Variants in LOXL4 observed in about 807,000 individuals in gnomAD.
LOXL4 encodes lysyl oxidase homolog 4.
Under a neutral mutation model 89.1 loss-of-function variants are expected in LOXL4, and 72 were observed. The ratio of observed to expected loss-of-function variants is 0.81; its 90% CI spans 0.67 to 0.98. LOXL4 has a LOEUF of 0.98. Among genes scored for constraint, LOXL4 ranks in the 50% least tolerant of loss-of-function variants. The pLI is 0.00. For synonymous variants in LOXL4, 355 were observed against 392.1 expected, an observed-to-expected ratio of 0.91 and a Z score of 1.12; for missense variants, 984 against 1,017.5, an observed-to-expected ratio of 0.97 and a Z score of 0.45.
chr10:98,256,227 T>C (rs1381325374), intron 9 of LOXL4: 5 of 176,754 alleles, frequency 2.8e-5, no homozygotes, highest in African/African-American at 7.2e-5. Flanking sequence ...TATCCACTTA[T>C]TTCTCCTGGA....
At chr10:98,263,597 GCA>G (rs2135845901) in intron 1 of LOXL4, among the ~76,000 whole-genome samples, 1 of 152,276 alleles carries the variant, frequency 6.6e-6, no homozygotes, top group Non-Finnish European at 1.5e-5. Flanking sequence ...CACCTAGAAG[GCA>G]CATGGAAGGC....
chr10:98,256,839 T>G lies in LOXL4; in HGVS notation c.1369A>C (p.Thr457Pro). 6.2e-7 allele frequency: 1 copy of G among 1,614,156 alleles called. No individual in the cohort carries two copies. The highest frequency in any genetic ancestry group is 1.6e-4 in the Middle Eastern group (1 of 6,062). The change falls in exon 9 of 15, where the codon ACC becomes CCC. Residue 457 changes from threonine (T) to proline (P), a missense_variant. Coordinates refer to ENST00000260702, the MANE Select transcript of LOXL4 (RefSeq NM_032211.7). ...TGTCGGCAGGCCACCATGGCTTCGG[T>G]GAGCCCCCAGTTTTCACTGCACACG... ...GSVCSENWGL[T>P]EAMVACRQLG...
At chr10:98,258,227 C>G (rs1858439706) in intron 6 of LOXL4, 63 bp from the exon 7 acceptor site, 1 of 1,496,884 alleles carries the variant, frequency 6.7e-7, no homozygotes, top group Non-Finnish European at 9.0e-7. Context: ...GCTGAGCCCC[C>G]ACAGCGGGAT....
At chr10:98,259,454 A>C (rs1858478206) in intron 4 of LOXL4, 25 bp from the exon 5 acceptor site, 1 of 1,610,322 alleles carries the variant, frequency 6.2e-7, no homozygotes, top group Non-Finnish European at 8.5e-7. Context: ...AACAGATAGG[A>C]GGTGGAAGGG....
chr10:98,261,936 C>A (rs1858552748), intron 3 of LOXL4, 99 bp downstream of exon 3: 6 of 1,272,830 alleles, frequency 4.7e-6, no homozygotes, highest in Middle Eastern at 2.6e-4. Context: ...GCAGACTGCA[C>A]CCTTTCCCCT....
In LOXL4 at chr10:98,262,709, C is replaced by A. The variant is rs373112400; in HGVS notation, c.277+34G>T. The A allele has an allele frequency of 3.1e-6, 5 of 1,594,956 alleles. No homozygotes were observed. In the South Asian group the frequency reaches 3.4e-5, roughly 11 times the overall value. On this transcript the variant is annotated intron_variant, in intron 2 of 14. Transcript: ENST00000260702. ...AGCCCAAGAAGACTGTTACCATCTC[C>A]TTGCCATCCCACTAGGTGGCACCAG...
chr10:98,247,846 C>T lies in LOXL4; in HGVS notation c.*1075G>A, dbSNP rs1370054187. On this transcript the variant is annotated 3_prime_UTR_variant, in exon 15 of 15. Transcript: ENST00000260702. ...CTTGAGCAAGAGCAAATCAGAGCCCCATCAAGCAGGAATGGTGGCCTTTCC... is the reference window on the plus strand; with the variant it reads ...CTTGAGCAAGAGCAAATCAGAGCCCTATCAAGCAGGAATGGTGGCCTTTCC... 1.3e-5 allele frequency: 2 copies of T among 152,202 alleles called. No individual in the cohort carries two copies. Among genetic ancestry groups the T allele is most frequent in the African/African-American group, 4.8e-5 (2 of 41,448 alleles). The allele number at this position is 152,202 out of a possible 1,614,324, so 9.4% of individuals were successfully genotyped here. A position where few individuals can be genotyped will look rare whatever the true frequency, so the allele number is the denominator to read the frequency against.
At chr10:98,251,239 C>T (rs1858184634) in intron 13 of LOXL4, 63 bp from the exon 14 acceptor site, 4 of 1,203,442 alleles carry the variant, frequency 3.3e-6, no homozygotes, top group Non-Finnish European at 4.9e-6. Flanking sequence ...TTGACTGTGG[C>T]TGTGATAATC....
chr10:98,256,222 A>C, intron 9 of LOXL4: 1 of 177,038 alleles, frequency 5.6e-6, no homozygotes, highest in Non-Finnish European at 1.2e-5. Flanking sequence ...AGATCTATCC[A>C]CTTATTTCTC....
At position 98,261,112 on chromosome 10, in the gene LOXL4, C is replaced by T. The variant is rs142324231; in HGVS notation, c.472G>A (p.Glu158Lys). 3.1e-6 allele frequency: 5 copies of T among 1,612,126 alleles called. No homozygotes were observed. The highest frequency in any genetic ancestry group is 4.2e-6 in the Non-Finnish European group (5 of 1,179,960). ...GCAAGGATGGGCTTGAGCCGCACCT[C>T]CTCCAGCCGCCGGCCCTGCGGGGTG... ...ALGPQGRRLE[E>K]VRLKPILASA... Residue 158 changes from glutamate to lysine, a missense_variant, in exon 4 of 15, where the codon GAG (glutamate) becomes AAG (lysine). Physicochemically the swap from Glu to Lys is moderately conservative, Grantham distance 56. Coordinates refer to ENST00000260702, the MANE Select transcript of LOXL4 (RefSeq NM_032211.7).
intron 3 of LOXL4, 81 bp from the exon 4 acceptor site, chr10:98,261,208 G>C: frequency 6.8e-7 from 1 of 1,476,208 alleles, no homozygotes; most frequent in Non-Finnish European, 9.3e-7. Context: ...ATGCAGAAAG[G>C]CTGGGGCTTG....
rs2135851930 is a variant in LOXL4, at chr10:98,268,172, G to C, written c.-73C>G. The C allele has an allele frequency of 6.6e-6, 1 of 152,072 alleles. No homozygotes were observed. Among genetic ancestry groups the C allele is most frequent in the South Asian group, 2.1e-4 (1 of 4,822 alleles). The allele number at this position is 152,072 out of a possible 1,614,324, so 9.4% of individuals were successfully genotyped here. A position where few individuals can be genotyped will look rare whatever the true frequency, so the allele number is the denominator to read the frequency against. Reference sequence around the variant, plus strand: ...CAGTCCGGGGCTGGGCGGGCGCCGCGGCGGAGCAGCGCTAACGGGCTCCCT... The same window carrying C: ...CAGTCCGGGGCTGGGCGGGCGCCGCCGCGGAGCAGCGCTAACGGGCTCCCT... On this transcript the variant is annotated 5_prime_UTR_variant, in exon 1 of 15. Coordinates refer to ENST00000260702, the MANE Select transcript of LOXL4 (RefSeq NM_032211.7).
chr10:98,257,082 C>T, intron 8 of LOXL4, 135 bp from the exon 9 acceptor site: 1 of 1,068,298 alleles, frequency 9.4e-7, no homozygotes, highest in Non-Finnish European at 1.3e-6. Flanking sequence ...GCCTTGGTCT[C>T]CTTCTCTGTA....
chr10:98,255,330 A>T (rs1639054042), intron 10 of LOXL4, among the ~76,000 whole-genome samples: 1 of 152,186 alleles, frequency 6.6e-6, no homozygotes, highest in South Asian at 2.1e-4. Context: ...CAAAGTTGAA[A>T]ACCGCCGTTC....
chr10:98,251,118 T>C lies in LOXL4; in HGVS notation c.2147A>G (p.Gln716Arg), dbSNP rs1335404066. Residue 716 changes from glutamine to arginine, a missense_variant, in exon 14 of 15, where the codon CAG (glutamine) becomes CGG (arginine). Gln to Arg is a conservative substitution (Grantham distance 43). Transcript: ENST00000260702. The part of the protein sequence containing the change: ...AESDFSNNML[Q>R]CRCKYDGHRV... ...GTGCCCATCATACTTGCAGCGGCAC[T>C]GCAGCATATTGTTGGAGAAATCTGA... 4.3e-6 allele frequency: 7 copies of C among 1,614,078 alleles called. No individual in the cohort carries two copies. Among genetic ancestry groups the C allele is most frequent in the Non-Finnish European group, 5.9e-6 (7 of 1,180,040 alleles).
At chr10:98,267,767 C>A (rs1324492801) in intron 1 of LOXL4, among the ~76,000 whole-genome samples, 1 of 152,182 alleles carries the variant, frequency 6.6e-6, no homozygotes, top group African/African-American at 2.4e-5. Context: ...GGTTCGTTGT[C>A]CCCCAAGTCG....
chr10:98,263,366 G>T (rs763584126), intron 1 of LOXL4, among the ~76,000 whole-genome samples: 1 of 152,174 alleles, frequency 6.6e-6, no homozygotes, highest in African/African-American at 2.4e-5. Flanking sequence ...ATAAAACACC[G>T]TATGGAAAGT....
Position 98,261,034 on chromosome 10 carries a change from C to G in LOXL4, c.550G>C (p.Glu184Gln). Reference protein sequence around the residue: ...VTEGAVEVKYEGHWRQVCDQG... With the variant: ...VTEGAVEVKYQGHWRQVCDQG... ...TCACACACCTGCCGCCAGTGGCCCT[C>G]ATACTTCACCTCCACGGCTCCCTCG... The change falls in exon 4 of 15, where the codon GAG (glutamate) becomes CAG (glutamine). Residue 184 changes from glutamate to glutamine, a missense_variant. Glu to Gln is a conservative substitution (Grantham distance 29). Transcript: ENST00000260702. 6.2e-7 allele frequency: 1 copy of G among 1,614,114 alleles called. No individual in the cohort carries two copies. Among genetic ancestry groups the G allele is most frequent in the Non-Finnish European group, 8.5e-7 (1 of 1,180,044 alleles).
chr10:98,262,756 G>A lies in LOXL4; in HGVS notation c.264C>T (p.Tyr88=), dbSNP rs564445140. 442 of 1,612,582 alleles carry A rather than the reference G, an allele frequency of 2.7e-4. 2 individuals carry two copies. In the South Asian group the frequency reaches 4.3e-3, roughly 16 times the overall value. ...CCAGTCACTCACCCTCCCCTTGGCC[G>A]TACTTGGCACTGTGGGCCCAGGTCA... The part of the protein sequence containing the change: ...AALTWAHSAK[Y]GQGEGPIWLD... Residue 88 remains tyrosine (Y), a synonymous_variant, in exon 2 of 15, where the codon TAC becomes TAT. Transcript: ENST00000260702.
Sources: gnomAD v4.1 joint callset for allele counts (sites outside exome capture counted in the v4.1 genomes callset) on GRCh38, gnomAD v4.1.1 for gene constraint, MANE v1.5 for transcripts, NCBI Gene and HGNC (gene_info 2026-07-23, HGNC 2026-07-21) for gene names.